TBC1D22A: variants seen among roughly 807,000 people sequenced by gnomAD.
The protein encoded by TBC1D22A is putative GTPase activator.
A neutral mutation model predicts 60.2 loss-of-function variants in TBC1D22A; 38 were observed. The observed-to-expected ratio is 0.63, with a 90% CI of 0.49 to 0.83. TBC1D22A has a LOEUF of 0.83. TBC1D22A is among the 40% of genes least tolerant of loss of function. The pLI is 0.00. For synonymous variants in TBC1D22A, 302 were observed against 281.7 expected (o/e 1.07, Z -0.72); for missense variants, 628 against 701.0 (o/e 0.90, Z 1.18).
chr22:47,081,915 T>A (rs962005534), intron 11 of TBC1D22A, among the ~76,000 whole-genome samples: 2 of 152,194 alleles, frequency 1.3e-5, no homozygotes, highest in Non-Finnish European at 2.9e-5. Context: ...CCCAGCACTT[T>A]GGGAGGCCGA....
intron 7 of TBC1D22A, among the ~76,000 whole-genome samples, chr22:46,896,030 T>A (rs1278859788): frequency 6.6e-6 from 1 of 152,144 alleles, no homozygotes; most frequent in Non-Finnish European, 1.5e-5. Flanking sequence ...CCTTGCCAGT[T>A]CTTCATGCTG....
chr22:46,871,129 G>A (rs1339092545), intron 4 of TBC1D22A, among the ~76,000 whole-genome samples: 2 of 152,134 alleles, frequency 1.3e-5, no homozygotes, highest in African/African-American at 4.8e-5. Flanking sequence ...GAGACAAAGA[G>A]GAATATTTCA....
chr22:47,092,374 G>A (rs1428223434), intron 11 of TBC1D22A, among the ~76,000 whole-genome samples: 1 of 152,196 alleles, frequency 6.6e-6, no homozygotes, highest in Non-Finnish European at 1.5e-5. Context: ...CACCATAAGG[G>A]ATGGGGCCTT....
At chr22:47,036,353 A>G (rs967328448) in intron 10 of TBC1D22A, among the ~76,000 whole-genome samples, 4 of 152,166 alleles carry the variant, frequency 2.6e-5, no homozygotes, top group Admixed American at 6.5e-5. Context: ...CAGGAGTGAC[A>G]CCGCCAGGAC....
intron 4 of TBC1D22A, among the ~76,000 whole-genome samples, chr22:46,822,442 G>T (rs1182985852): frequency 6.6e-6 from 1 of 152,086 alleles, no homozygotes; most frequent in Non-Finnish European, 1.5e-5. Context: ...ACTTTTTGTT[G>T]TTGATGTTGT....
chr22:46,941,966 C>G (rs866128471), intron 8 of TBC1D22A, among the ~76,000 whole-genome samples: 24 of 136,000 alleles, frequency 1.8e-4, no homozygotes, highest in Admixed American at 1.7e-3. Context: ...CACACACACA[C>G]AGTCCACCCT....
In TBC1D22A at chr22:46,785,258, C is replaced by G. The variant is rs117063099; in HGVS notation, c.63-7262C>G. On this transcript the variant is annotated intron_variant, in intron 1 of 12. Coordinates refer to ENST00000337137, the MANE Select transcript of TBC1D22A (RefSeq NM_014346.5). ...TTCACTGACTTGTCTAGCAGTGATG[C>G]AGGCTGTCCACTGGGCCTTCAGCTA... Among the ~76,000 whole-genome samples the G allele has an allele frequency of 8.7e-3, 1,328 of 152,270 alleles. 39 individuals are homozygous for G. In the East Asian group the frequency reaches 0.091, roughly 10 times the overall value.
At chr22:46,848,978 C>T (rs1246205866) in intron 4 of TBC1D22A, among the ~76,000 whole-genome samples, 2 of 152,054 alleles carry the variant, frequency 1.3e-5, no homozygotes, top group African/African-American at 4.8e-5. Context: ...CTCCCTGTCC[C>T]CAGTCTCTGT....
chr22:47,132,233 G>A lies in TBC1D22A; in HGVS notation c.1425+20630G>A, dbSNP rs142415841. 7.9e-5 allele frequency among the ~76,000 whole-genome samples: 12 copies of A among 152,200 alleles called. No homozygotes were observed. The South Asian group carries it at 8.3e-4, about 11-fold the overall frequency. On this transcript the variant is annotated intron_variant, in intron 12 of 12. Coordinates refer to ENST00000337137, the MANE Select transcript of TBC1D22A (RefSeq NM_014346.5). ...CCTGGATTCCCCCCGAGTCTTGGTC[G>A]TCAGGCCTGGCGGTTGCACCCCATG...
chr22:47,096,226 C>T (rs996180487), intron 11 of TBC1D22A, among the ~76,000 whole-genome samples: 1 of 152,156 alleles, frequency 6.6e-6, no homozygotes, highest in Admixed American at 6.5e-5. Flanking sequence ...CCTTTCCTCT[C>T]CTTGGCAGTC....
chr22:47,128,582 C>T (rs2066573851), intron 12 of TBC1D22A, among the ~76,000 whole-genome samples: 1 of 151,652 alleles, frequency 6.6e-6, no homozygotes, highest in South Asian at 2.1e-4. Flanking sequence ...GAAATGGAGT[C>T]CTGCACGAGG....
At chr22:47,117,689 G>C (rs1383602375) in intron 12 of TBC1D22A, among the ~76,000 whole-genome samples, 1 of 152,200 alleles carries the variant, frequency 6.6e-6, no homozygotes, top group Non-Finnish European at 1.5e-5. Flanking sequence ...CAGCTTCGTC[G>C]GAAACCTCCT....
chr22:47,041,042 G>A (rs1361405205), intron 11 of TBC1D22A, among the ~76,000 whole-genome samples: 3 of 152,124 alleles, frequency 2.0e-5, no homozygotes, highest in African/African-American at 7.2e-5. Flanking sequence ...TGGTAAACGG[G>A]CGAACATCTC....
At chr22:46,847,922 T>TGG (rs1013554280) in intron 4 of TBC1D22A, among the ~76,000 whole-genome samples, 2 of 73,382 alleles carry the variant, frequency 2.7e-5, no homozygotes, top group African/African-American at 8.7e-5. Context: ...CTAGTGGGTG[T>TGG]GTGTGTGTGT....
intron 10 of TBC1D22A, among the ~76,000 whole-genome samples, chr22:47,003,705 C>T (rs1016872856): frequency 7.3e-6 from 1 of 136,460 alleles, no homozygotes; most frequent in Non-Finnish European, 1.5e-5. Flanking sequence ...ACACCCTACA[C>T]ACATGCCTGT....
intron 4 of TBC1D22A, among the ~76,000 whole-genome samples, chr22:46,856,705 G>A (rs2087588534): frequency 6.6e-6 from 1 of 152,122 alleles, no homozygotes; most frequent in South Asian, 2.1e-4. Flanking sequence ...GACTTTGAAA[G>A]GCCAAAGTTT....
chr22:46,793,846 G>T lies in TBC1D22A; in HGVS notation c.460+5G>T. The T allele has an allele frequency of 6.4e-7, 1 of 1,552,846 alleles. No individual in the cohort carries two copies. Among genetic ancestry groups the T allele is most frequent in the Non-Finnish European group, 8.7e-7 (1 of 1,152,268 alleles). Reference sequence around the variant, plus strand: ...GCCACACGTCCTGTCCTGCAGGTACGATGGGAGGACTGAAGAGATGGTCTG... The same window carrying T: ...GCCACACGTCCTGTCCTGCAGGTACTATGGGAGGACTGAAGAGATGGTCTG... On this transcript the variant is annotated splice_donor_5th_base_variant and intron_variant, in intron 3 of 12. Coordinates refer to ENST00000337137, the MANE Select transcript of TBC1D22A (RefSeq NM_014346.5).
At chr22:47,062,572 G>A (rs564866192) in intron 11 of TBC1D22A, among the ~76,000 whole-genome samples, 3 of 152,218 alleles carry the variant, frequency 2.0e-5, no homozygotes, top group Admixed American at 1.3e-4. Flanking sequence ...TTCCTCTAGC[G>A]TGAGTGCCGT....
intron 10 of TBC1D22A, 133 bp from the exon 11 acceptor site, chr22:47,036,938 G>T (rs1238514001): frequency 4.0e-6 from 4 of 991,746 alleles, no homozygotes; most frequent in Non-Finnish European, 6.0e-6. Context: ...CTCCTTGGGG[G>T]TTGTTGCTTG....
Sources: allele counts gnomAD v4.1 joint callset (sites outside exome capture counted in the v4.1 genomes callset), GRCh38; gene constraint gnomAD v4.1.1; transcripts MANE v1.5; gene names NCBI Gene and HGNC (gene_info 2026-07-23, HGNC 2026-07-21).